Variants in SLC2A6 observed in about 807,000 individuals in gnomAD.
SLC2A6 encodes the protein solute carrier family 2 member 6, also known as solute carrier family 2, facilitated glucose transporter member 6.
In SLC2A6, 39 loss-of-function variants were observed where a neutral mutation model predicts 47.8. That is an observed-to-expected ratio of 0.82 (90% CI 0.63 to 1.07). The LOEUF (loss-of-function observed/expected upper bound fraction) is 1.07, where lower values mean the gene tolerates loss of function less well. SLC2A6 is among the 50% of genes least tolerant of loss of function. The pLI, the probability that SLC2A6 is intolerant of heterozygous loss-of-function variation, is 0.00. For missense variants in SLC2A6, 650 were observed against 707.6 expected (o/e 0.92, Z 0.92); for synonymous variants, 346 against 324.1 (o/e 1.07, Z -0.73).
In SLC2A6 at chr9:133,472,065, T is replaced by G. The variant is rs952323093; in HGVS notation, c.1480A>C (p.Ile494Leu). 6.2e-7 allele frequency: 1 copy of G among 1,613,180 alleles called. No homozygotes were observed. Among genetic ancestry groups the G allele is most frequent in the African/African-American group, 1.3e-5 (1 of 74,878 alleles). The change falls in exon 10 of 10, where the codon ATC becomes CTC. Residue 494 changes from isoleucine (I) to leucine (L), a missense_variant. Physicochemically the swap from Ile to Leu is conservative, Grantham distance 5 (BLOSUM62 2). Transcript: ENST00000371899. Reference sequence around the variant, plus strand: ...CTCCCCGTGCGGAAGAAGGACTCGATCTGCTCCAGGGACCGTCCCTTGGTC... The same window carrying G: ...CTCCCCGTGCGGAAGAAGGACTCGAGCTGCTCCAGGGACCGTCCCTTGGTC... ...PETKGRSLEQ[I>L]ESFFRTGRRS...
rs1843796001 is a variant in SLC2A6 at position 133,473,145 on chromosome 9, AGCCAGCTG to A, written c.1320_1327del (p.Ser441HisfsTer123). On this transcript the variant is annotated frameshift_variant, in exon 9 of 10. Coordinates refer to ENST00000371899, the MANE Select transcript of SLC2A6 (RefSeq NM_017585.4). LOFTEE classifies it high-confidence loss of function. The stretch of plus-strand genomic sequence containing the variant: ...GGACTTGGTGAGGACGAAGGCGGTG[AGCCAGCTG>A]GCCAGCACGCAGAGCCCTGAGGCCA... 1.2e-6 allele frequency: 2 copies of A among 1,611,332 alleles called. No individual in the cohort carries two copies. The highest frequency in any genetic ancestry group is 2.7e-5 in the African/African-American group (2 of 74,806).
chr9:133,478,595 T>G, intron 1 of SLC2A6, 179 bp from the exon 2 acceptor site: 1 of 666,970 alleles, frequency 1.5e-6, no homozygotes, highest in Non-Finnish European at 2.5e-6. Flanking sequence ...CCCAGGCCAT[T>G]GTTAGCTCAT....
intron 2 of SLC2A6, 118 bp from the exon 3 acceptor site, chr9:133,477,359 C>G (rs1167344451): frequency 6.3e-6 from 6 of 947,600 alleles, no homozygotes; most frequent in Non-Finnish European, 9.4e-6. Flanking sequence ...AGCACTTGGC[C>G]AAGTCAAGCA....
At chr9:133,476,553 G>A (rs1281511803) in intron 3 of SLC2A6, 11 of 593,216 alleles carry the variant, frequency 1.9e-5, no homozygotes, top group East Asian at 5.6e-5. Context: ...GTGGAAGTAC[G>A]CAGCTCGGAA....
chr9:133,471,884 C>G lies in SLC2A6; in HGVS notation c.*137G>C. 9.7e-7 allele frequency: 1 copy of G among 1,026,830 alleles called. No individual in the cohort carries two copies. Among genetic ancestry groups the G allele is most frequent in the Non-Finnish European group, 1.4e-6 (1 of 713,242 alleles). The allele number at this position is 1,026,830 out of a possible 1,614,324, so 63.6% of individuals were successfully genotyped here. A position where few individuals can be genotyped will look rare whatever the true frequency, so the allele number is the denominator to read the frequency against. On this transcript the variant is annotated 3_prime_UTR_variant, in exon 10 of 10. Transcript: ENST00000371899. ...GAGCCAGGGGCACCCGCTGCTGAGG[C>G]CCCATCACACTGCTCTTCCTGTGCT...
In SLC2A6 at chr9:133,475,086, G is replaced by T. The variant is rs141550978; in HGVS notation, c.802C>A (p.Arg268=). Reference sequence around the variant, plus strand: ...ATGGGCCGGCACACGTGTGGGGCCCGTGCCTCAGCCCACGATACTCGGCTG... The same window carrying T: ...ATGGGCCGGCACACGTGTGGGGCCCTTGCCTCAGCCCACGATACTCGGCTG... ...QSSRVSWAEA[R]APHVCRPITV... The change falls in exon 6 of 10, where the codon CGG becomes AGG. Residue 268 remains arginine (R), a synonymous_variant. Transcript: ENST00000371899. 3 of 1,588,232 alleles carry T rather than the reference G, an allele frequency of 1.9e-6. No individual in the cohort carries two copies. Among genetic ancestry groups the T allele is most frequent in the Middle Eastern group, 1.9e-4 (1 of 5,336 alleles).
intron 2 of SLC2A6, 28 bp downstream of exon 2, chr9:133,478,226 C>T (rs1554803845): frequency 1.2e-6 from 2 of 1,612,282 alleles, no homozygotes; most frequent in Admixed American, 1.7e-5. Flanking sequence ...CTTCCTGCAC[C>T]CACCCTCCTC....
intron 6 of SLC2A6, among the ~76,000 whole-genome samples, chr9:133,474,602 G>A (rs1474205985): frequency 2.0e-5 from 3 of 152,146 alleles, no homozygotes; most frequent in Non-Finnish European, 4.4e-5. Context: ...TGTTTTTAGA[G>A]ACAGGGTCCT....
chr9:133,476,505 ATC>A (rs1389423421), intron 3 of SLC2A6, 169 bp from the exon 4 acceptor site: 4 of 626,668 alleles, frequency 6.4e-6, no homozygotes, highest in Non-Finnish European at 5.8e-6. Context: ...GGCCTGCCTG[ATC>A]TCTCTCTGTC....
At chr9:133,478,778 T>A (rs1844060700) in intron 1 of SLC2A6, 190 bp downstream of exon 1, 2 of 602,926 alleles carry the variant, frequency 3.3e-6, no homozygotes, top group South Asian at 4.2e-5. Flanking sequence ...GGTACTCTCG[T>A]GGATCGTTCC....
intron 7 of SLC2A6, 33 bp from the exon 8 acceptor site, chr9:133,473,633 G>A (rs1843822924): frequency 1.3e-6 from 2 of 1,483,720 alleles, no homozygotes; most frequent in Non-Finnish European, 1.8e-6. Context: ...GTGGGGCCAG[G>A]ACCCTCTGAG....
chr9:133,472,316 C>A (rs1843752053), intron 9 of SLC2A6, 140 bp from the exon 10 acceptor site: 2 of 950,788 alleles, frequency 2.1e-6, no homozygotes, highest in African/African-American at 1.6e-5. Context: ...GACCGCCCCC[C>A]CACACCAGGG....
chr9:133,471,916 G>A lies in SLC2A6; in HGVS notation c.*105C>T. 2 of 1,347,448 alleles carry A rather than the reference G, an allele frequency of 1.5e-6. No individual in the cohort carries two copies. The highest frequency in any genetic ancestry group is 2.0e-6 in the Non-Finnish European group (2 of 981,950). The allele number at this position is 1,347,448 out of a possible 1,614,324, so 83.5% of individuals were successfully genotyped here. A position where few individuals can be genotyped will look rare whatever the true frequency, so the allele number is the denominator to read the frequency against. On this transcript the variant is annotated 3_prime_UTR_variant, in exon 10 of 10. Coordinates refer to ENST00000371899, the MANE Select transcript of SLC2A6 (RefSeq NM_017585.4). ...ACACTGCTCTTCCTGTGCTCTGGCTGGTGGCAGGGATGACTGCTGCCTCTT... is the reference window on the plus strand; with the variant it reads ...ACACTGCTCTTCCTGTGCTCTGGCTAGTGGCAGGGATGACTGCTGCCTCTT...
Position 133,478,379 on chromosome 9 carries a change from C to G in SLC2A6, c.130G>C (p.Ala44Pro). 1.2e-6 allele frequency: 2 copies of G among 1,614,150 alleles called. No homozygotes were observed. Among genetic ancestry groups the G allele is most frequent in the Non-Finnish European group, 1.7e-6 (2 of 1,180,024 alleles). The change falls in exon 2 of 10, where the codon GCC becomes CCC. Residue 44 changes from alanine to proline, a missense_variant. By Grantham distance (27) the Ala-to-Pro change is conservative. Transcript: ENST00000371899. ...QNKRVFLATF[A>P]AVLGNFSFGY... Reference sequence around the variant, plus strand: ...AAGCTGAAATTGCCGAGCACTGCGGCGAAGGTGGCCAGGAACACCCTTTTG... The same window carrying G: ...AAGCTGAAATTGCCGAGCACTGCGGGGAAGGTGGCCAGGAACACCCTTTTG...
chr9:133,478,736 C>T (rs141650164), intron 1 of SLC2A6: 95 of 591,490 alleles, frequency 1.6e-4, no homozygotes, highest in Non-Finnish European at 2.5e-4. Context: ...GGGCCTCAGT[C>T]TCACTGTCTG....
intron 9 of SLC2A6, 59 bp downstream of exon 9, chr9:133,473,046 A>G: frequency 1.3e-6 from 2 of 1,524,138 alleles, no homozygotes; most frequent in Non-Finnish European, 1.8e-6. Context: ...TGGCACTGAG[A>G]AGGGTCCTGG....
intron 5 of SLC2A6, 84 bp from the exon 6 acceptor site, chr9:133,475,197 G>A (rs1009167340): frequency 6.8e-5 from 98 of 1,432,132 alleles, no homozygotes; most frequent in Non-Finnish European, 9.0e-5. Flanking sequence ...GGGGTTGTGT[G>A]GGAGACCTCC....
In SLC2A6 at chr9:133,479,079, C is replaced by CT; in HGVS notation, c.-21_-20insA. 1 of 1,572,350 alleles carries CT rather than the reference C, an allele frequency of 6.4e-7. No homozygotes were observed. Among genetic ancestry groups the CT allele is most frequent in the Non-Finnish European group, 8.6e-7 (1 of 1,164,222 alleles). On this transcript the variant is annotated 5_prime_UTR_variant, in exon 1 of 10. Coordinates refer to ENST00000371899, the MANE Select transcript of SLC2A6 (RefSeq NM_017585.4). ...CTGCATGGCCGGGTCTCTCTCGGGG[C>CT]GAGCGGAGGGCGCTCAGACTGGAGC...
At chr9:133,473,688 T>A in intron 7 of SLC2A6, 88 bp from the exon 8 acceptor site, 3 of 1,334,484 alleles carry the variant, frequency 2.2e-6, no homozygotes, top group Non-Finnish European at 3.0e-6. Flanking sequence ...CCCTTGATAC[T>A]TGCGTGGTCC....
Sources: gnomAD v4.1 joint callset for allele counts (sites outside exome capture counted in the v4.1 genomes callset) on GRCh38, gnomAD v4.1.1 for gene constraint, MANE v1.5 for transcripts, NCBI Gene and HGNC (gene_info 2026-07-23, HGNC 2026-07-21) for gene names.